PCDH9: variants seen among roughly 807,000 people sequenced by gnomAD.
PCDH9 encodes protocadherin 9.
Under a neutral mutation model 70.6 loss-of-function variants are expected in PCDH9, and 24 were observed. The observed-to-expected ratio is 0.34, with a 90% CI of 0.25 to 0.48. PCDH9 has a LOEUF of 0.48. PCDH9 is among the 20% of genes least tolerant of loss of function. The pLI is 0.99. For missense variants in PCDH9, 1,281 were observed against 1,503.6 expected, an observed-to-expected ratio of 0.85 and a Z score of 2.45; for synonymous variants, 562 against 558.5, an observed-to-expected ratio of 1.01 and a Z score of -0.09.
At chr13:66,317,168 C>T (rs140166759) in intron 4 of PCDH9, among the ~76,000 whole-genome samples, 46 of 152,210 alleles carry the variant, frequency 3.0e-4, no homozygotes, top group Middle Eastern at 6.8e-3. Context: ...TATGAAACAA[C>T]ATCTCTTTCT....
At chr13:66,767,874 G>T (rs993883867) in intron 3 of PCDH9, among the ~76,000 whole-genome samples, 1 of 152,058 alleles carries the variant, frequency 6.6e-6, no homozygotes, top group African/African-American at 2.4e-5. Context: ...GGCAATACAA[G>T]AAGAGCTGAA....
At chr13:66,888,116 G>A (rs572080616) in intron 3 of PCDH9, among the ~76,000 whole-genome samples, 1 of 152,150 alleles carries the variant, frequency 6.6e-6, no homozygotes, top group Non-Finnish European at 1.5e-5. Flanking sequence ...ATCTCAGTGA[G>A]AGTGAAATGG....
At chr13:66,403,282 G>A (rs1957221272) in intron 4 of PCDH9, among the ~76,000 whole-genome samples, 1 of 151,874 alleles carries the variant, frequency 6.6e-6, no homozygotes, top group African/African-American at 2.4e-5. Flanking sequence ...TGGTACTACA[G>A]GCACCACCAT....
intron 3 of PCDH9, among the ~76,000 whole-genome samples, chr13:66,859,556 A>T (rs1305507937): frequency 6.6e-6 from 1 of 152,184 alleles, no homozygotes; most frequent in East Asian, 1.9e-4. Context: ...CAGGCACAAA[A>T]ATCATTTGAG....
At chr13:67,021,583 A>C (rs895572513) in intron 2 of PCDH9, among the ~76,000 whole-genome samples, 5 of 151,902 alleles carry the variant, frequency 3.3e-5, no homozygotes, top group Non-Finnish European at 5.9e-5. Flanking sequence ...TTCTTTTGAG[A>C]CGGTCTCACT....
At chr13:66,561,131 C>G (rs757218594) in intron 4 of PCDH9, among the ~76,000 whole-genome samples, 1 of 152,220 alleles carries the variant, frequency 6.6e-6, no homozygotes, top group East Asian at 1.9e-4. Context: ...TCCGGGTGGC[C>G]GTGTGCTGGG....
intron 4 of PCDH9, among the ~76,000 whole-genome samples, chr13:66,452,615 T>C (rs1678903874): frequency 2.6e-5 from 4 of 152,164 alleles, no homozygotes; most frequent in Admixed American, 2.6e-4. Context: ...CCTTTAGTCT[T>C]CTCAATCTGC....
At position 67,044,863 on chromosome 13, in the gene PCDH9, T is replaced by C. The variant is rs573857186; in HGVS notation, c.3037-141258A>G. Among the ~76,000 whole-genome samples the C allele has an allele frequency of 3.9e-5, 6 of 152,122 alleles. No homozygotes were observed. In the South Asian group the frequency reaches 1.0e-3, roughly 26 times the overall value. ...AGTAGAGAAGAGGAAACACAGAGCATGGCCTGTTAAATCTGCAGTTACTAA... is the reference window on the plus strand; with the variant it reads ...AGTAGAGAAGAGGAAACACAGAGCACGGCCTGTTAAATCTGCAGTTACTAA... On this transcript the variant is annotated intron_variant, in intron 2 of 4. Coordinates refer to ENST00000377865, the MANE Select transcript of PCDH9 (RefSeq NM_203487.3).
At chr13:66,424,054 C>T (rs1242737685) in intron 4 of PCDH9, among the ~76,000 whole-genome samples, 1 of 152,114 alleles carries the variant, frequency 6.6e-6, no homozygotes, top group East Asian at 1.9e-4. Flanking sequence ...AGAGCCAAAT[C>T]ATGAGCCAAC....
intron 3 of PCDH9, among the ~76,000 whole-genome samples, chr13:66,835,519 T>G (rs1375841990): frequency 6.6e-6 from 1 of 152,210 alleles, no homozygotes; most frequent in Non-Finnish European, 1.5e-5. Flanking sequence ...GTTAGTAGAT[T>G]TAGCAGAGGT....
At chr13:67,017,234 A>G (rs1296454968) in intron 2 of PCDH9, among the ~76,000 whole-genome samples, 1 of 152,240 alleles carries the variant, frequency 6.6e-6, no homozygotes, top group African/African-American at 2.4e-5. Flanking sequence ...TTTTATAAGT[A>G]AACTCTGCTC....
At chr13:66,958,116 A>G (rs1438900770) in intron 2 of PCDH9, among the ~76,000 whole-genome samples, 3 of 152,216 alleles carry the variant, frequency 2.0e-5, no homozygotes, top group African/African-American at 4.8e-5. Context: ...AGGCACCCCA[A>G]TTTGAGGGCA....
At chr13:66,921,697 C>G (rs775825504) in intron 2 of PCDH9, among the ~76,000 whole-genome samples, 6 of 151,250 alleles carry the variant, frequency 4.0e-5, no homozygotes, top group Non-Finnish European at 8.9e-5. Flanking sequence ...CTCAGAATAT[C>G]AGACCTCAAG....
chr13:67,160,711 T>C (rs1476214724), intron 2 of PCDH9, among the ~76,000 whole-genome samples: 1 of 152,178 alleles, frequency 6.6e-6, no homozygotes, highest in Admixed American at 6.5e-5. Flanking sequence ...TACTACAGTA[T>C]CTTGAGCCAC....
At chr13:66,537,905 A>G (rs1960774641) in intron 4 of PCDH9, among the ~76,000 whole-genome samples, 1 of 152,116 alleles carries the variant, frequency 6.6e-6, no homozygotes, top group Non-Finnish European at 1.5e-5. Flanking sequence ...TGGACTCTCC[A>G]AGTAATTTAT....
chr13:67,031,002 G>T (rs2084894644), intron 2 of PCDH9, among the ~76,000 whole-genome samples: 1 of 152,164 alleles, frequency 6.6e-6, no homozygotes, highest in South Asian at 2.1e-4. Flanking sequence ...CAAAAATGAT[G>T]TGTTGAGAGT....
At chr13:66,397,596 C>T (rs1957124439) in intron 4 of PCDH9, among the ~76,000 whole-genome samples, 1 of 150,866 alleles carries the variant, frequency 6.6e-6, no homozygotes, top group African/African-American at 2.4e-5. Context: ...ATGCATAATG[C>T]ATTTGTACAT....
At chr13:66,961,248 C>T (rs1365370276) in intron 2 of PCDH9, among the ~76,000 whole-genome samples, 3 of 152,070 alleles carry the variant, frequency 2.0e-5, no homozygotes, top group Non-Finnish European at 2.9e-5. Context: ...AGTGTTTTTT[C>T]TCTGCCTGTA....
intron 4 of PCDH9, among the ~76,000 whole-genome samples, chr13:66,385,433 C>T (rs1329931161): frequency 3.9e-5 from 6 of 152,028 alleles, no homozygotes; most frequent in African/African-American, 1.4e-4. Flanking sequence ...CTCATGCCTC[C>T]GTCTAGCCCG....
Sources: gnomAD v4.1 joint callset for allele counts (sites outside exome capture counted in the v4.1 genomes callset) on GRCh38, gnomAD v4.1.1 for gene constraint, MANE v1.5 for transcripts, NCBI Gene and HGNC (gene_info 2026-07-23, HGNC 2026-07-21) for gene names.